GIMAP6: variants seen among roughly 807,000 people sequenced by gnomAD.
The protein encoded by GIMAP6 is GTPase, IMAP family member 6.
A neutral mutation model predicts 9.3 loss-of-function variants in GIMAP6; 6 were observed. That is an observed-to-expected ratio of 0.65 (90% CI 0.35 to 1.27). GIMAP6 has a LOEUF of 1.27. Among genes scored for constraint, GIMAP6 ranks in the 50% most tolerant of loss-of-function variants. The pLI, the probability that GIMAP6 is intolerant of heterozygous loss-of-function variation, is 0.03. For missense variants in GIMAP6, 333 were observed against 359.5 expected (o/e 0.93, Z 0.60); for synonymous variants, 156 against 151.1 (o/e 1.03, Z -0.24).
rs1314599232 is a variant in GIMAP6, at chr7:150,628,186, C to A, written c.412G>T (p.Glu138Ter). ...AGGCGCCTGACCACCTGCTGATCCTCATCCGTGAACCGGCCCAGTTGTGTC... is the reference window on the plus strand; with the variant it reads ...AGGCGCCTGACCACCTGCTGATCCTAATCCGTGAACCGGCCCAGTTGTGTC... ...LVTQLGRFTDEDQQVVRRLQE... is the reference protein window; with the variant it reads ...LVTQLGRFTD Residue 138 changes from glutamate (E) to a stop codon, truncating the protein, a stop_gained, in exon 3 of 3, where the codon GAG (glutamate) becomes TAG (stop). Transcript: ENST00000328902. LOFTEE classifies it low-confidence loss of function (END_TRUNC). The A allele has an allele frequency of 1.2e-6, 2 of 1,614,232 alleles. No individual in the cohort carries two copies. The highest frequency in any genetic ancestry group is 1.7e-6 in the Non-Finnish European group (2 of 1,180,032).
chr7:150,628,771 A>C lies in GIMAP6; in HGVS notation c.86-259T>G, dbSNP rs144209587. Reference sequence around the variant, plus strand: ...CCAATAGAACACCAAGAAACCCAATACCAAGGTTTTTAGATATGACTGGGG... The same window carrying C: ...CCAATAGAACACCAAGAAACCCAATCCCAAGGTTTTTAGATATGACTGGGG... On this transcript the variant is annotated intron_variant, in intron 2 of 2. Coordinates refer to ENST00000328902, the MANE Select transcript of GIMAP6 (RefSeq NM_024711.6). 355 of 1,429,296 alleles carry C rather than the reference A, an allele frequency of 2.5e-4. No homozygotes were observed. In the African/African-American group the frequency reaches 4.4e-3, roughly 18 times the overall value. The allele number at this position is 1,429,296 out of a possible 1,614,324, so 88.5% of individuals were successfully genotyped here. A position where few individuals can be genotyped will look rare whatever the true frequency, so the allele number is the denominator to read the frequency against.
chr7:150,629,840 C>T (rs940517872), intron 2 of GIMAP6, among the ~76,000 whole-genome samples: 11 of 152,120 alleles, frequency 7.2e-5, no homozygotes, highest in African/African-American at 2.7e-4. Context: ...TTTCTCGCCT[C>T]CTTTTATCTA....
chr7:150,630,274 C>T, intron 1 of GIMAP6, 132 bp from the exon 2 acceptor site: 1 of 604,226 alleles, frequency 1.7e-6, no homozygotes. Flanking sequence ...TGGGGTGGGA[C>T]TGAGTGAGGC....
At chr7:150,628,537 G>A in intron 2 of GIMAP6, 25 bp from the exon 3 acceptor site, 1 of 1,609,194 alleles carries the variant, frequency 6.2e-7, no homozygotes, top group Non-Finnish European at 8.5e-7. Flanking sequence ...AGAAAGCAGA[G>A]GGAACTGGGG....
At position 150,627,502 on chromosome 7, in the gene GIMAP6, G is replaced by A. The variant is rs2116778679; in HGVS notation, c.*217C>T. On this transcript the variant is annotated 3_prime_UTR_variant, in exon 3 of 3. Transcript: ENST00000328902. ...GACAGCGTGCTGTTGGGGCACAGAGGAGGGAGGACCCAGATGTTCTGGAAG... is the reference window on the plus strand; with the variant it reads ...GACAGCGTGCTGTTGGGGCACAGAGAAGGGAGGACCCAGATGTTCTGGAAG... 3.3e-6 allele frequency: 2 copies of A among 611,318 alleles called. No individual in the cohort carries two copies. The highest frequency in any genetic ancestry group is 5.8e-6 in the Non-Finnish European group (2 of 344,482). 37.9% of individuals were successfully genotyped at this position (611,318 alleles called of 1,614,324 possible).
Position 150,628,239 on chromosome 7 carries a change from G to T in GIMAP6, c.359C>A (p.Ala120Asp). 1 of 1,614,166 alleles carries T rather than the reference G, an allele frequency of 6.2e-7. No homozygotes were observed. Among genetic ancestry groups the T allele is most frequent in the Non-Finnish European group, 8.5e-7 (1 of 1,180,012 alleles). The stretch of plus-strand genomic sequence containing the variant: ...CAGGAGCACGGCGTGGGGCCCTGGG[G>T]CGGATAAGACGATGGCTTGGCAGAT... ...DAICQAIVLS[A>D]PGPHAVLLVT... is the part of the protein sequence containing the mutation. Residue 120 changes from alanine (A) to aspartate (D), a missense_variant, in exon 3 of 3, where the codon GCC becomes GAC. Physicochemically the swap from Ala to Asp is moderately radical, Grantham distance 126. Coordinates refer to ENST00000328902, the MANE Select transcript of GIMAP6 (RefSeq NM_024711.6).
Position 150,628,038 on chromosome 7 carries a change from CAGGCA to C in GIMAP6, c.555_559del (p.Trp187GlyfsTer32). On this transcript the variant is annotated frameshift_variant, in exon 3 of 3. Transcript: ENST00000328902. LOFTEE classifies it low-confidence loss of function (END_TRUNC). ...GCGCCGTGCAAGGGTCACATCCAGC[CAGGCA>C]AGGGCCTGGTTGTTGGTCTCTCGCA... 1 of 1,614,260 alleles carries C rather than the reference CAGGCA, an allele frequency of 6.2e-7. No homozygotes were observed. Among genetic ancestry groups the C allele is most frequent in the Non-Finnish European group, 8.5e-7 (1 of 1,180,036 alleles).
In GIMAP6 at chr7:150,630,083, C is replaced by G. The variant is rs1357808543; in HGVS notation, c.60G>C (p.Gln20His). 4 of 1,588,026 alleles carry G rather than the reference C, an allele frequency of 2.5e-6. No individual in the cohort carries two copies. The Admixed American group carries it at 7.3e-5, about 29-fold the overall frequency. The change falls in exon 2 of 3, where the codon CAG (glutamine) becomes CAC (histidine). Residue 20 changes from glutamine to histidine, a missense_variant. By Grantham distance (24) the Gln-to-His change is conservative. Coordinates refer to ENST00000328902, the MANE Select transcript of GIMAP6 (RefSeq NM_024711.6). Reference sequence around the variant, plus strand: ...CTCCTGACAGCTCCAGCACAGGATCCTGGGACAGCTCTTCTGGGGGATTCT... The same window carrying G: ...CTCCTGACAGCTCCAGCACAGGATCGTGGGACAGCTCTTCTGGGGGATTCT... ...PQENPPEELS[Q>H]DPVLELSGGL...
At chr7:150,628,750 T>C (rs1208453034) in intron 2 of GIMAP6, 18 of 1,446,542 alleles carry the variant, frequency 1.2e-5, no homozygotes, top group Non-Finnish European at 1.5e-5. Context: ...ACTTGGCCAA[T>C]AGAACACCAA....
rs747812177 is a variant in GIMAP6, at chr7:150,628,230, G to A, written c.368C>T (p.Pro123Leu). 139 of 1,614,016 alleles carry A rather than the reference G, an allele frequency of 8.6e-5. No homozygotes were observed. The highest frequency in any genetic ancestry group is 1.1e-4 in the Non-Finnish European group (127 of 1,180,010). ...TTGTGTCACCAGGAGCACGGCGTGG[G>A]GCCCTGGGGCGGATAAGACGATGGC... ...CQAIVLSAPG[P>L]HAVLLVTQLG... Residue 123 changes from proline to leucine, a missense_variant, in exon 3 of 3, where the codon CCC becomes CTC. By Grantham distance (98) the Pro-to-Leu change is moderately conservative (BLOSUM62 -3). Coordinates refer to ENST00000328902, the MANE Select transcript of GIMAP6 (RefSeq NM_024711.6).
intron 1 of GIMAP6, among the ~76,000 whole-genome samples, chr7:150,630,768 C>T (rs1398941281): frequency 6.6e-6 from 1 of 152,228 alleles, no homozygotes; most frequent in African/African-American, 2.4e-5. Context: ...CTGTCTGGGC[C>T]TCAGCATCCC....
chr7:150,631,068 C>T (rs766852078), intron 1 of GIMAP6, among the ~76,000 whole-genome samples: 13 of 152,144 alleles, frequency 8.5e-5, no homozygotes, highest in Non-Finnish European at 1.8e-4. Flanking sequence ...TTTTCCAGAT[C>T]ATGTAGGACA....
At chr7:150,631,565 AAAC>A (rs1264442132) in intron 1 of GIMAP6, among the ~76,000 whole-genome samples, 2 of 152,196 alleles carry the variant, frequency 1.3e-5, no homozygotes, top group African/African-American at 2.4e-5. Flanking sequence ...GCTTAACAGG[AAAC>A]AACAGCCGGG....
intron 2 of GIMAP6, among the ~76,000 whole-genome samples, chr7:150,629,317 A>C (rs997764895): frequency 1.3e-5 from 2 of 152,260 alleles, no homozygotes; most frequent in African/African-American, 4.8e-5. Flanking sequence ...CAGGTGTTAC[A>C]CAGGTATTGG....
chr7:150,632,327 T>C lies in GIMAP6; in HGVS notation c.-159A>G, dbSNP rs1280704218. ...TTTCAGCAAAATGTTTTCAGAGAGCTGGGCTGGAGACCTGCCCTTGAAAGA... is the reference window on the plus strand; with the variant it reads ...TTTCAGCAAAATGTTTTCAGAGAGCCGGGCTGGAGACCTGCCCTTGAAAGA... On this transcript the variant is annotated 5_prime_UTR_variant, in exon 1 of 3. Transcript: ENST00000328902. 2 of 152,220 alleles carry C rather than the reference T, an allele frequency of 1.3e-5. No homozygotes were observed. Among genetic ancestry groups the C allele is most frequent in the Non-Finnish European group, 2.9e-5 (2 of 68,036 alleles). The allele number at this position is 152,220 out of a possible 1,614,324, so 9.4% of individuals were successfully genotyped here. A position where few individuals can be genotyped will look rare whatever the true frequency, so the allele number is the denominator to read the frequency against.
rs1378385889 is a variant in GIMAP6 at position 150,628,135 on chromosome 7, GA to G, written c.462del (p.Leu155TrpfsTer36). On this transcript the variant is annotated frameshift_variant, in exon 3 of 3. Coordinates refer to ENST00000328902, the MANE Select transcript of GIMAP6 (RefSeq NM_024711.6). LOFTEE classifies it low-confidence loss of function (END_TRUNC). Reference protein sequence around the residue: ...RRLQEVFGVGVLGHTILVFTR... With the variant: ...RRLQEVFGVGXLGHTILVFTR... Reference sequence around the variant, plus strand: ...GTGAACACCAGGATGGTGTGACCCAGAACCCCCACTCCAAAGACCTCCTGCA... The same window carrying G: ...GTGAACACCAGGATGGTGTGACCCAGACCCCCACTCCAAAGACCTCCTGCA... 1 of 1,614,074 alleles carries G rather than the reference GA, an allele frequency of 6.2e-7. No homozygotes were observed. Among genetic ancestry groups the G allele is most frequent in the African/African-American group, 1.3e-5 (1 of 74,936 alleles).
Position 150,626,008 on chromosome 7 carries a change from A to T in GIMAP6, c.*1711T>A, listed in dbSNP as rs1796286151. ...TATTTAATAAGTGATTGTGGCACAAAGGCTGTCTTCAGCAAACACCAAATA... is the reference window on the plus strand; with the variant it reads ...TATTTAATAAGTGATTGTGGCACAATGGCTGTCTTCAGCAAACACCAAATA... On this transcript the variant is annotated 3_prime_UTR_variant, in exon 3 of 3. Coordinates refer to ENST00000328902, the MANE Select transcript of GIMAP6 (RefSeq NM_024711.6). 1 of 152,246 alleles carries T rather than the reference A, an allele frequency of 6.6e-6. No individual in the cohort carries two copies. Among genetic ancestry groups the T allele is most frequent in the Non-Finnish European group, 1.5e-5 (1 of 68,038 alleles). The allele number at this position is 152,246 out of a possible 1,614,324, so 9.4% of individuals were successfully genotyped here. A position where few individuals can be genotyped will look rare whatever the true frequency, so the allele number is the denominator to read the frequency against.
chr7:150,631,639 G>T (rs973330730), intron 1 of GIMAP6, among the ~76,000 whole-genome samples: 20 of 152,292 alleles, frequency 1.3e-4, no homozygotes, highest in Non-Finnish European at 2.5e-4. Context: ...CGGGGAATGG[G>T]TCTGCACGCA....
Position 150,630,147 on chromosome 7 carries a change from A to G in GIMAP6, c.1-5T>C. 1 of 82,604 alleles carries G rather than the reference A, an allele frequency of 1.2e-5. No homozygotes were observed. The highest frequency in any genetic ancestry group is 2.2e-5 in the Non-Finnish European group (1 of 45,184). The allele number at this position is 82,604 out of a possible 1,614,324, so 5.1% of individuals were successfully genotyped here. A position where few individuals can be genotyped will look rare whatever the true frequency, so the allele number is the denominator to read the frequency against. On this transcript the variant is annotated splice_region_variant and splice_polypyrimidine_tract_variant and intron_variant, in intron 1 of 2. Coordinates refer to ENST00000328902, the MANE Select transcript of GIMAP6 (RefSeq NM_024711.6). ...TTCATATTCTTCTTCCTCCATCTACAAAAAAAAAAAAAAAAAAAAAATCAT... is the reference window on the plus strand; with the variant it reads ...TTCATATTCTTCTTCCTCCATCTACGAAAAAAAAAAAAAAAAAAAAATCAT...
Sources: gnomAD v4.1 joint callset for allele counts (sites outside exome capture counted in the v4.1 genomes callset) on GRCh38, gnomAD v4.1.1 for gene constraint, MANE v1.5 for transcripts, NCBI Gene and HGNC (gene_info 2026-07-23, HGNC 2026-07-21) for gene names.